The following BSN variants were observed in gnomAD, a reference collection of about 807,000 sequenced individuals.
BSN encodes the protein bassoon presynaptic cytomatrix protein.
In BSN, 57 loss-of-function variants were observed where a neutral mutation model predicts 264.8. That is an observed-to-expected ratio of 0.22 (90% CI 0.17 to 0.27). The LOEUF (loss-of-function observed/expected upper bound fraction) is 0.27, where lower values mean the gene tolerates loss of function less well. BSN is among the 10% of genes least tolerant of loss of function. BSN has a pLI of 1.00. For missense variants in BSN, 4,615 were observed against 5,232.5 expected (o/e 0.88, Z 3.64); for synonymous variants, 2,059 against 2,137.3 (o/e 0.96, Z 1.01).
At chr3:49,600,402 A>G (rs538384785) in intron 1 of BSN, among the ~76,000 whole-genome samples, 1 of 152,244 alleles carries the variant, frequency 6.6e-6, no homozygotes, top group South Asian at 2.1e-4. Context: ...TCCGTACATG[A>G]GGTTGAGTAG....
chr3:49,619,978 C>T (rs1249061979), intron 1 of BSN, among the ~76,000 whole-genome samples: 1 of 50,576 alleles, frequency 2.0e-5, no homozygotes, highest in Non-Finnish European at 4.6e-5. Context: ...TGTGCCCACA[C>T]AGAACTGGCA....
chr3:49,651,754 C>G lies in BSN; in HGVS notation c.2198C>G (p.Pro733Arg), dbSNP rs774372437. ...EIHKVGSSMR[P>R]LLQAQGLAPS... ...CACAAGGTGGGGAGCAGCATGCGGCCTTTGCTGCAGGCCCAGGGCCTGGCC... is the reference window on the plus strand; with the variant it reads ...CACAAGGTGGGGAGCAGCATGCGGCGTTTGCTGCAGGCCCAGGGCCTGGCC... Residue 733 changes from proline to arginine, a missense_variant, in exon 5 of 12, where the codon CCT (proline) becomes CGT (arginine). Transcript: ENST00000296452. This position sits in a 1 kb window ranked among gnomAD's most constrained non-coding sequence, Gnocchi z 5.4. The G allele has an allele frequency of 6.2e-7, 1 of 1,613,584 alleles. No homozygotes were observed. Among genetic ancestry groups the G allele is most frequent in the Non-Finnish European group, 8.5e-7 (1 of 1,179,938 alleles).
intron 1 of BSN, among the ~76,000 whole-genome samples, chr3:49,588,942 T>C (rs1302599120): frequency 6.7e-6 from 1 of 149,406 alleles, no homozygotes; most frequent in Non-Finnish European, 1.5e-5. Flanking sequence ...TGAGACAGAG[T>C]CTCGCTCTGT....
chr3:49,665,947 C>T (rs1182285222), intron 11 of BSN, among the ~76,000 whole-genome samples: 2 of 152,250 alleles, frequency 1.3e-5, no homozygotes, highest in African/African-American at 2.4e-5. Flanking sequence ...CAGGTTGGGA[C>T]ACCACTTCCT....
chr3:49,603,365 G>A (rs2052086790), intron 1 of BSN, among the ~76,000 whole-genome samples: 3 of 152,230 alleles, frequency 2.0e-5, no homozygotes, highest in Non-Finnish European at 4.4e-5. Flanking sequence ...GTGAGCAGAT[G>A]TCACCAGCCT....
At position 49,652,473 on chromosome 3, in the gene BSN, G is replaced by T. The variant is rs2052551708; in HGVS notation, c.2917G>T (p.Asp973Tyr). The change falls in exon 5 of 12, where the codon GAC becomes TAC. Residue 973 changes from aspartate (D) to tyrosine (Y), a missense_variant. Coordinates refer to ENST00000296452, the MANE Select transcript of BSN (RefSeq NM_003458.4). ...EMESLTGSPE[D>Y]RSRGEHSSTL... ...GGAGAGCCTAACGGGCTCCCCTGAG[G>T]ACCGCTCCCGTGGTGAGCACTCCTC... The T allele has an allele frequency of 6.2e-7, 1 of 1,613,658 alleles. No individual in the cohort carries two copies. The highest frequency in any genetic ancestry group is 8.5e-7 in the Non-Finnish European group (1 of 1,179,996).
intron 10 of BSN, 49 bp from the exon 11 acceptor site, chr3:49,665,180 G>C (rs2052703689): frequency 4.0e-6 from 1 of 252,802 alleles, no homozygotes; most frequent in East Asian, 8.5e-5. Context: ...TTGTAGGTAG[G>C]CCTCCAGGGA....
chr3:49,592,606 C>T (rs931577512), intron 1 of BSN, among the ~76,000 whole-genome samples: 44 of 151,172 alleles, frequency 2.9e-4, no homozygotes, highest in African/African-American at 9.7e-4. Context: ...AAAAAATTAG[C>T]CGGGCGTGGT....
chr3:49,601,711 C>G (rs1295072589), intron 1 of BSN, among the ~76,000 whole-genome samples: 1 of 152,224 alleles, frequency 6.6e-6, no homozygotes, highest in Non-Finnish European at 1.5e-5. Context: ...TATATCCAGT[C>G]TCAGAATGAC....
At chr3:49,623,870 T>C (rs893346984) in intron 1 of BSN, among the ~76,000 whole-genome samples, 1 of 152,172 alleles carries the variant, frequency 6.6e-6, no homozygotes, top group African/African-American at 2.4e-5. Context: ...ATATAGTAAC[T>C]TGGGCTCATG....
chr3:49,585,339 A>C lies in BSN; in HGVS notation c.224+30513A>C, dbSNP rs2051926418. Among the ~76,000 whole-genome samples, 1 of 152,224 alleles carries C rather than the reference A, an allele frequency of 6.6e-6. No individual in the cohort carries two copies. The highest frequency in any genetic ancestry group is 2.4e-5 in the African/African-American group (1 of 41,462). On this transcript the variant is annotated intron_variant, in intron 1 of 11. Transcript: ENST00000296452. The surrounding 1 kb of genome is among the most constrained non-coding windows in gnomAD (Gnocchi z 4.7). ...CCATCCGGAATTAAATCCACATCCC[A>C]GTATCTTCTGCACATATTTCACTAA...
intron 1 of BSN, among the ~76,000 whole-genome samples, chr3:49,618,663 C>T (rs1371811241): frequency 6.6e-6 from 1 of 152,236 alleles, no homozygotes; most frequent in African/African-American, 2.4e-5. Flanking sequence ...TGAGCATGCT[C>T]TGCTGTGCCT....
chr3:49,624,300 C>CTTTTTTTTTTTTTT (rs71080542), intron 1 of BSN, among the ~76,000 whole-genome samples: 8,386 of 66,854 alleles, frequency 0.13, 2,724 homozygotes, highest in Non-Finnish European at 0.16. Context: ...CGTGCCCAGC[C>CTTTTTTTTTTTTTT]TTTTTTTTTT....
rs902286833 is a variant in BSN, at chr3:49,570,298, G to A, written c.224+15472G>A. Among the ~76,000 whole-genome samples, 5 of 152,132 alleles carry A rather than the reference G, an allele frequency of 3.3e-5. No individual in the cohort carries two copies. In the South Asian group the frequency reaches 1.0e-3, roughly 32 times the overall value. ...TGCAGGCTAAGCCAGTGGAAGAAAG[G>A]GAGGAAGGGAGCAGACAGAACAGGG... is the stretch of plus-strand genomic sequence containing the variant. On this transcript the variant is annotated intron_variant, in intron 1 of 11. Transcript: ENST00000296452.
chr3:49,650,582 T>G (rs758365068), intron 3 of BSN, 30 bp from the exon 4 acceptor site: 1 of 1,561,134 alleles, frequency 6.4e-7, no homozygotes, highest in East Asian at 2.2e-5. Flanking sequence ...TTTTTAATTT[T>G]CATCAACCCC....
chr3:49,656,521 C>T lies in BSN; in HGVS notation c.6965C>T (p.Ala2322Val). The T allele has an allele frequency of 6.3e-7, 1 of 1,575,782 alleles. No homozygotes were observed. Among genetic ancestry groups the T allele is most frequent in the Non-Finnish European group, 8.6e-7 (1 of 1,160,344 alleles). Reference sequence around the variant, plus strand: ...ACCACCCCTGCTGCCATCAAGGAGGCTGCAGGAGCCCCAGCTCCTGCCCCA... The same window carrying T: ...ACCACCCCTGCTGCCATCAAGGAGGTTGCAGGAGCCCCAGCTCCTGCCCCA... ...PTTTPAAIKE[A>V]AGAPAPAPLA... The change falls in exon 5 of 12, where the codon GCT becomes GTT. Residue 2322 changes from alanine (A) to valine (V), a missense_variant. Physicochemically the swap from Ala to Val is moderately conservative, Grantham distance 64. This residue lies in a region of BSN where 3,415 missense variants were observed against 3,866.4 expected (regional missense o/e 0.88). Coordinates refer to ENST00000296452, the MANE Select transcript of BSN (RefSeq NM_003458.4).
In BSN at chr3:49,661,182, C is replaced by T. The variant is rs377523782; in HGVS notation, c.9337C>T (p.Arg3113Cys). The change falls in exon 6 of 12, where the codon CGC (arginine) becomes TGC (cysteine). Residue 3113 changes from arginine (R) to cysteine (C), a missense_variant. Transcript: ENST00000296452. ...EPGLPNQQAFRPTGHYAGQTP... is the reference protein window; with the variant it reads ...EPGLPNQQAFCPTGHYAGQTP... ...TGGCCTGCCAAACCAGCAGGCTTTC[C>T]GCCCCACAGGCCACTATGCAGGCCA... The T allele has an allele frequency of 8.1e-6, 13 of 1,613,482 alleles. No individual in the cohort carries two copies. The highest frequency in any genetic ancestry group is 3.3e-5 in the Admixed American group (2 of 60,010).
intron 1 of BSN, among the ~76,000 whole-genome samples, chr3:49,597,591 A>G (rs555605710): frequency 6.6e-6 from 1 of 152,278 alleles, no homozygotes; most frequent in Admixed American, 6.5e-5. Context: ...TTGGCCTCTC[A>G]AAGTGCTGAG....
chr3:49,564,092 C>T (rs753828062), intron 1 of BSN, among the ~76,000 whole-genome samples: 18 of 152,148 alleles, frequency 1.2e-4, no homozygotes, highest in Admixed American at 3.3e-4. Flanking sequence ...ACTCTGAGAC[C>T]CTTGCCAGCC....
Sources: gnomAD v4.1 joint callset for allele counts (sites outside exome capture counted in the v4.1 genomes callset) on GRCh38, gnomAD v4.1.1 for gene constraint, gnomAD v4.1.1 regional missense constraint, Gnocchi (gnomAD v3.1) non-coding constraint, MANE v1.5 for transcripts, NCBI Gene and HGNC (gene_info 2026-07-23, HGNC 2026-07-21) for gene names.